The following MINDY3 variants were observed in gnomAD, a reference collection of about 807,000 sequenced individuals.
MINDY3 encodes the protein ubiquitin carboxyl-terminal hydrolase MINDY-3.
Under a neutral mutation model 69.2 loss-of-function variants are expected in MINDY3, and 38 were observed. The observed-to-expected ratio is 0.55, with a 90% CI of 0.42 to 0.72. The LOEUF (loss-of-function observed/expected upper bound fraction) is 0.72. MINDY3 is among the 30% of genes least tolerant of loss of function. The pLI is 0.00. For synonymous variants in MINDY3, 192 were observed against 180.1 expected, an observed-to-expected ratio of 1.07 and a Z score of -0.53; for missense variants, 522 against 519.0, an observed-to-expected ratio of 1.01 and a Z score of -0.06.
At chr10:15,791,094 A>G (rs1022247818) in intron 11 of MINDY3, among the ~76,000 whole-genome samples, 2 of 152,212 alleles carry the variant, frequency 1.3e-5, no homozygotes. Flanking sequence ...AAGTGTAACC[A>G]TAACTGTACC....
chr10:15,816,062 TTGA>T (rs1839334846), intron 10 of MINDY3, among the ~76,000 whole-genome samples: 1 of 152,138 alleles, frequency 6.6e-6, no homozygotes, highest in South Asian at 2.1e-4. Flanking sequence ...GGTTAGGAGT[TTGA>T]GACCAGCCTG....
At chr10:15,849,913 C>G (rs539838722) in intron 1 of MINDY3, among the ~76,000 whole-genome samples, 6 of 152,332 alleles carry the variant, frequency 3.9e-5, no homozygotes. Context: ...TCTTACCACA[C>G]AATTTACTTA....
At chr10:15,848,642 AAAAAAAAAAAAAAAAAAAAAG>A (rs1409802289) in intron 1 of MINDY3, among the ~76,000 whole-genome samples, 1 of 136,328 alleles carries the variant, frequency 7.3e-6, no homozygotes, top group Non-Finnish European at 1.6e-5. Context: ...TCAAAAAAAA[AAAAAAAAAAAAAAAAAAAAAG>A]AAAGAAAAAT....
At chr10:15,784,920 C>T (rs1836841135) in intron 13 of MINDY3, among the ~76,000 whole-genome samples, 1 of 152,124 alleles carries the variant, frequency 6.6e-6, no homozygotes, top group Non-Finnish European at 1.5e-5. Context: ...GTCTGAGCTG[C>T]TATAGGATGG....
At position 15,834,598 on chromosome 10, in the gene MINDY3, T is replaced by C; in HGVS notation, c.595A>G (p.Asn199Asp). 6.2e-7 allele frequency: 1 copy of C among 1,610,896 alleles called. No individual in the cohort carries two copies. The highest frequency in any genetic ancestry group is 8.5e-7 in the Non-Finnish European group (1 of 1,177,792). Residue 199 changes from asparagine to aspartate, a missense_variant, in exon 7 of 15, where the codon AAC (asparagine) becomes GAC (aspartate). Asn to Asp is a conservative substitution (Grantham distance 23, BLOSUM62 1). Transcript: ENST00000277632. ...GGTTCACTTGCATCTTCAATTTCGT[T>C]TTTTATGTTTTCAATGCCCTAAAGA... The part of the protein sequence containing the change: ...LLTKGIENIK[N>D]EIEDASEPLI...
chr10:15,786,530 A>G, intron 13 of MINDY3, 31 bp downstream of exon 13: 1 of 1,245,044 alleles, frequency 8.0e-7, no homozygotes. Context: ...CCAACAGAAT[A>G]ACAATGAATA....
intron 1 of MINDY3, among the ~76,000 whole-genome samples, chr10:15,850,149 A>G (rs1330448417): frequency 6.6e-6 from 1 of 152,212 alleles, no homozygotes; most frequent in East Asian, 1.9e-4. Context: ...CACTTCCCCA[A>G]TCAATACTCT....
chr10:15,816,976 T>C, intron 9 of MINDY3, 61 bp from the exon 10 acceptor site: 4 of 1,243,896 alleles, frequency 3.2e-6, no homozygotes, highest in South Asian at 2.5e-5. Context: ...CTGCCTCTTA[T>C]TTGCCCATAA....
intron 10 of MINDY3, among the ~76,000 whole-genome samples, chr10:15,813,091 T>C (rs915630583): frequency 1.3e-5 from 2 of 152,214 alleles, no homozygotes; most frequent in African/African-American, 4.8e-5. Flanking sequence ...AGTTATCTTT[T>C]ACAAATGTGA....
intron 10 of MINDY3, among the ~76,000 whole-genome samples, chr10:15,798,444 C>T (rs186050905): frequency 1.2e-3 from 180 of 149,964 alleles, no homozygotes; most frequent in African/African-American, 4.4e-3. Context: ...TACCTGATGC[C>T]TTGTCTCTAA....
At chr10:15,795,008 T>C (rs1837703020) in intron 11 of MINDY3, among the ~76,000 whole-genome samples, 1 of 152,010 alleles carries the variant, frequency 6.6e-6, no homozygotes, top group Non-Finnish European at 1.5e-5. Context: ...TCACTCCGTT[T>C]CAACTGTGGT....
At chr10:15,784,129 TAA>T (rs1836768633) in intron 13 of MINDY3, among the ~76,000 whole-genome samples, 1 of 152,198 alleles carries the variant, frequency 6.6e-6, no homozygotes, top group African/African-American at 2.4e-5. Flanking sequence ...ACAATCGTCT[TAA>T]GTTCTCTAAT....
intron 5 of MINDY3, chr10:15,837,969 T>C (rs1227056040): frequency 1.5e-5 from 14 of 964,876 alleles, no homozygotes; most frequent in African/African-American, 3.5e-5. Context: ...AAAATGATTT[T>C]TTTTCATTGT....
At chr10:15,814,314 T>C (rs1455068196) in intron 10 of MINDY3, among the ~76,000 whole-genome samples, 1 of 151,994 alleles carries the variant, frequency 6.6e-6, no homozygotes, top group African/African-American at 2.4e-5. Flanking sequence ...ACAATCCAAA[T>C]TTGACTACTC....
chr10:15,852,325 C>A (rs1834361795), intron 1 of MINDY3, among the ~76,000 whole-genome samples: 1 of 152,104 alleles, frequency 6.6e-6, no homozygotes, highest in South Asian at 2.1e-4. Context: ...ATACCAAGTT[C>A]AGTCTCAAAA....
Position 15,816,896 on chromosome 10 carries a change from G to A in MINDY3, c.821C>T (p.Ser274Phe). Reference protein sequence around the residue: ...RYCKVGSYLKSPKFPIWIVGS... With the variant: ...RYCKVGSYLKFPKFPIWIVGS... ...AACAATCCAAATAGGGAATTTTGGAGATTTCAAGTAAGAACCAACCTAGAA... is the reference window on the plus strand; with the variant it reads ...AACAATCCAAATAGGGAATTTTGGAAATTTCAAGTAAGAACCAACCTAGAA... The change falls in exon 10 of 15, where the codon TCT becomes TTT. Residue 274 changes from serine (S) to phenylalanine (F), a missense_variant. Coordinates refer to ENST00000277632, the MANE Select transcript of MINDY3 (RefSeq NM_024948.4). 3 of 1,613,134 alleles carry A rather than the reference G, an allele frequency of 1.9e-6. No individual in the cohort carries two copies. The highest frequency in any genetic ancestry group is 2.5e-6 in the Non-Finnish European group (3 of 1,179,424).
At chr10:15,857,565 T>C (rs1245934713) in intron 1 of MINDY3, among the ~76,000 whole-genome samples, 1 of 152,038 alleles carries the variant, frequency 6.6e-6, no homozygotes, top group Non-Finnish European at 1.5e-5. Flanking sequence ...CTATAGGCAA[T>C]TGAGCAGGAG....
intron 10 of MINDY3, among the ~76,000 whole-genome samples, chr10:15,800,864 T>TGTAA (rs1262691236): frequency 6.6e-6 from 1 of 152,166 alleles, no homozygotes; most frequent in Non-Finnish European, 1.5e-5. Flanking sequence ...GCAACTTGTA[T>TGTAA]GTAAGTGCAG....
At chr10:15,802,450 A>G (rs975916738) in intron 10 of MINDY3, among the ~76,000 whole-genome samples, 2 of 152,076 alleles carry the variant, frequency 1.3e-5, no homozygotes, top group South Asian at 2.1e-4. Flanking sequence ...CACCAGACAT[A>G]TATCAAACAA....
Sources: gnomAD v4.1 joint callset for allele counts (sites outside exome capture counted in the v4.1 genomes callset) on GRCh38, gnomAD v4.1.1 for gene constraint, MANE v1.5 for transcripts, NCBI Gene and HGNC (gene_info 2026-07-23, HGNC 2026-07-21) for gene names.